Variants in EYS observed in about 807,000 individuals in gnomAD.
The protein encoded by EYS is protein eyes shut homolog.
A neutral mutation model predicts 282.1 loss-of-function variants in EYS; 250 were observed. The observed-to-expected ratio is 0.89, with a 90% CI of 0.80 to 0.98. EYS has a LOEUF of 0.98. EYS is among the 50% of genes least tolerant of loss of function. The pLI is 0.00. For synonymous variants in EYS, 1,355 were observed against 1,282.9 expected (o/e 1.06, Z -1.20); for missense variants, 4,016 against 3,709.0 (o/e 1.08, Z -2.15).
At chr6:65,037,092 A>G (rs1388947513) in intron 13 of EYS, among the ~76,000 whole-genome samples, 5 of 151,996 alleles carry the variant, frequency 3.3e-5, no homozygotes, top group Non-Finnish European at 1.5e-5. Flanking sequence ...GAATAAAGAA[A>G]ATGTGGTACA....
chr6:65,617,703 T>G, intron 2 of EYS, among the ~76,000 whole-genome samples: 1 of 54,434 alleles, frequency 1.8e-5, no homozygotes, highest in African/African-American at 7.0e-5. Context: ...CCCTCCCCCC[T>G]CCCCCCACCC....
chr6:64,156,529 T>C (rs957074038), intron 31 of EYS, among the ~76,000 whole-genome samples: 1 of 152,200 alleles, frequency 6.6e-6, no homozygotes, highest in Non-Finnish European at 1.5e-5. Context: ...AGGCAGAGGT[T>C]GCAACAGTTT....
intron 28 of EYS, among the ~76,000 whole-genome samples, chr6:64,405,686 A>G (rs900778045): frequency 3.9e-5 from 6 of 152,174 alleles, no homozygotes; most frequent in African/African-American, 1.4e-4. Flanking sequence ...CACCAATAAC[A>G]GACAAACAGA....
intron 1 of EYS, among the ~76,000 whole-genome samples, chr6:65,654,991 A>T (rs577261628): frequency 6.6e-6 from 1 of 151,094 alleles, no homozygotes; most frequent in South Asian, 2.1e-4. Flanking sequence ...AAAAAAAAAA[A>T]AAAAAAAAAA....
intron 26 of EYS, among the ~76,000 whole-genome samples, chr6:64,525,494 G>C (rs1027703197): frequency 2.6e-5 from 4 of 151,552 alleles, no homozygotes; most frequent in African/African-American, 9.7e-5. Flanking sequence ...GACACAAAAG[G>C]GGGGCAATAG....
chr6:64,753,791 C>CA (rs1316338092), intron 22 of EYS, among the ~76,000 whole-genome samples: 1 of 152,016 alleles, frequency 6.6e-6, no homozygotes, highest in Non-Finnish European at 1.5e-5. Context: ...ACCCAACAAT[C>CA]ACAGAATATA....
At chr6:64,414,503 T>A (rs1774003610) in intron 28 of EYS, among the ~76,000 whole-genome samples, 1 of 152,056 alleles carries the variant, frequency 6.6e-6, no homozygotes, top group South Asian at 2.1e-4. Context: ...AAATAAGACA[T>A]TCAATAACCA....
intron 36 of EYS, among the ~76,000 whole-genome samples, chr6:63,853,863 G>A (rs1213698117): frequency 5.9e-5 from 9 of 152,116 alleles, no homozygotes; most frequent in Non-Finnish European, 8.8e-5. Context: ...TGACAAACCT[G>A]ACAAAAACAA....
At chr6:65,560,652 T>A (rs1769017870) in intron 2 of EYS, among the ~76,000 whole-genome samples, 1 of 151,880 alleles carries the variant, frequency 6.6e-6, no homozygotes, top group African/African-American at 2.4e-5. Context: ...CTTTCACATA[T>A]TTTATTCTTT....
chr6:64,733,335 C>A, intron 22 of EYS: 1 of 173,864 alleles, frequency 5.8e-6, no homozygotes, highest in Non-Finnish European at 1.3e-5. Flanking sequence ...TGGTTACCAG[C>A]ACCTGATGAC....
chr6:64,915,043 G>C (rs1180056363), intron 15 of EYS, among the ~76,000 whole-genome samples: 1 of 151,834 alleles, frequency 6.6e-6, no homozygotes, highest in African/African-American at 2.4e-5. Context: ...GGAGAGACTT[G>C]GTTCAGTTTG....
At chr6:64,618,002 A>G (rs1767328222) in intron 23 of EYS, among the ~76,000 whole-genome samples, 1 of 152,172 alleles carries the variant, frequency 6.6e-6, no homozygotes, top group Non-Finnish European at 1.5e-5. Context: ...TTGTAGTATT[A>G]CAGTTAGTAT....
intron 22 of EYS, among the ~76,000 whole-genome samples, chr6:64,666,718 G>T (rs547049643): frequency 6.6e-6 from 1 of 151,986 alleles, no homozygotes; most frequent in Non-Finnish European, 1.5e-5. Flanking sequence ...ATTTTCAGTG[G>T]CCACTTAGTT....
intron 19 of EYS, among the ~76,000 whole-genome samples, chr6:64,881,819 T>C (rs577844691): frequency 6.6e-6 from 1 of 151,994 alleles, no homozygotes; most frequent in African/African-American, 2.4e-5. Context: ...GTTTTATTCC[T>C]TCTTTGCAAT....
intron 5 of EYS, among the ~76,000 whole-genome samples, chr6:65,416,928 T>A (rs1374177061): frequency 6.6e-6 from 1 of 151,960 alleles, no homozygotes; most frequent in African/African-American, 2.4e-5. Flanking sequence ...ACAAGAAAAT[T>A]GAAGAAAGAC....
chr6:64,331,604 C>T (rs1309734291), intron 29 of EYS, among the ~76,000 whole-genome samples: 15 of 151,852 alleles, frequency 9.9e-5, no homozygotes, highest in African/African-American at 3.4e-4. Context: ...CCCCCCCGCC[C>T]GCCCAGTTCA....
chr6:63,881,587 T>C (rs1414068161), intron 35 of EYS, among the ~76,000 whole-genome samples: 2 of 152,324 alleles, frequency 1.3e-5, no homozygotes, highest in East Asian at 3.9e-4. Flanking sequence ...TGTCTGAATA[T>C]ACATACTTAA....
intron 37 of EYS, among the ~76,000 whole-genome samples, chr6:63,802,298 C>T (rs562909404): frequency 7.2e-5 from 11 of 151,870 alleles, no homozygotes; most frequent in Non-Finnish European, 1.6e-4. Flanking sequence ...ATATTACTTG[C>T]ATAAGGAGGG....
In EYS at chr6:65,513,558, C is replaced by T. The variant is rs558926670; in HGVS notation, c.-332-17565G>A. Among the ~76,000 whole-genome samples, 129 of 152,190 alleles carry T rather than the reference C, an allele frequency of 8.5e-4. 1 individual carries two copies. The highest frequency in any genetic ancestry group is 2.7e-3 in the African/African-American group (111 of 41,510). On this transcript the variant is annotated intron_variant, in intron 2 of 42. Coordinates refer to ENST00000503581, the MANE Select transcript of EYS (RefSeq NM_001142800.2). ...AATCCTCAATAAAATACTGGCAAAC[C>T]AAATCCAGCAGCACATCAAAAAGCT... is the stretch of plus-strand genomic sequence containing the variant.
Sources: allele counts gnomAD v4.1 joint callset (sites outside exome capture counted in the v4.1 genomes callset), GRCh38; gene constraint gnomAD v4.1.1; transcripts MANE v1.5; gene names NCBI Gene and HGNC (gene_info 2026-07-23, HGNC 2026-07-21).